The following SPAG16 variants were observed in gnomAD, a reference collection of about 807,000 sequenced individuals.
The protein encoded by SPAG16 is sperm associated antigen 16.
A neutral mutation model predicts 80.4 loss-of-function variants in SPAG16; 86 were observed. That is an observed-to-expected ratio of 1.07 (90% confidence interval 0.90 to 1.28). The LOEUF (loss-of-function observed/expected upper bound fraction) is 1.28, where lower values mean the gene tolerates loss of function less well. SPAG16 is among the 50% of genes most tolerant of loss of function. The pLI, the probability that SPAG16 is intolerant of heterozygous loss-of-function variation, is 0.00. For synonymous variants in SPAG16, 294 were observed against 265.9 expected (o/e 1.11, Z -1.03); for missense variants, 870 against 765.3 (o/e 1.14, Z -1.61).
chr2:214,060,597 T>G (rs1276881507), intron 13 of SPAG16, among the ~76,000 whole-genome samples: 1 of 152,180 alleles, frequency 6.6e-6, no homozygotes. Context: ...TATAACACTC[T>G]CTTAGAAAAC....
At chr2:214,338,242 G>A (rs561760118) in intron 15 of SPAG16, among the ~76,000 whole-genome samples, 1 of 152,112 alleles carries the variant, frequency 6.6e-6, no homozygotes, top group Admixed American at 6.5e-5. Flanking sequence ...TCAGCCAAGT[G>A]TGGTGGCTCA....
chr2:213,332,292 A>T (rs2064144908), intron 5 of SPAG16, among the ~76,000 whole-genome samples: 1 of 152,162 alleles, frequency 6.6e-6, no homozygotes, highest in African/African-American at 2.4e-5. Context: ...ATCTAGGGGA[A>T]ATGGATAAAT....
At position 213,465,441 on chromosome 2, in the gene SPAG16, T is replaced by G. The variant is rs2125630728; in HGVS notation, c.943-24522T>G. Among the ~76,000 whole-genome samples the G allele has an allele frequency of 1.3e-5, 2 of 152,126 alleles. 1 individual carries two copies. Among genetic ancestry groups the G allele is most frequent in the South Asian group, 4.2e-4 (2 of 4,814 alleles). The stretch of plus-strand genomic sequence containing the variant: ...AGTCCATTCTGCATCCTCTAAGGGG[T>G]TTTTTTGAGGTCCTCTCTGGCTGCA... On this transcript the variant is annotated intron_variant, in intron 9 of 15. Coordinates refer to ENST00000331683, the MANE Select transcript of SPAG16 (RefSeq NM_024532.5).
Position 213,536,194 on chromosome 2 carries a change from G to A in SPAG16, c.1070+46104G>A, listed in dbSNP as rs908747987. Among the ~76,000 whole-genome samples, 12 of 151,910 alleles carry A rather than the reference G, an allele frequency of 7.9e-5. 1 individual carries two copies. In the South Asian group the frequency reaches 2.3e-3, roughly 29 times the overall value. ...TTTCTTCTTGTTTTTACTCAAATTTGAATAAAGAAATTGCTATTTGGATCA... is the reference window on the plus strand; with the variant it reads ...TTTCTTCTTGTTTTTACTCAAATTTAAATAAAGAAATTGCTATTTGGATCA... On this transcript the variant is annotated intron_variant, in intron 10 of 15. Coordinates refer to ENST00000331683, the MANE Select transcript of SPAG16 (RefSeq NM_024532.5).
At chr2:214,271,037 A>G (rs1691955835) in intron 15 of SPAG16, among the ~76,000 whole-genome samples, 1 of 152,188 alleles carries the variant, frequency 6.6e-6, no homozygotes, top group South Asian at 2.1e-4. Context: ...AAAAACAAAT[A>G]TTTACTGAAA....
At chr2:213,503,549 T>C (rs1423790339) in intron 10 of SPAG16, among the ~76,000 whole-genome samples, 1 of 152,056 alleles carries the variant, frequency 6.6e-6, no homozygotes, top group Non-Finnish European at 1.5e-5. Flanking sequence ...AACCTTTTCT[T>C]TTTGGAGAGG....
At chr2:214,301,952 C>T (rs543443950) in intron 15 of SPAG16, among the ~76,000 whole-genome samples, 2 of 152,136 alleles carry the variant, frequency 1.3e-5, no homozygotes, top group African/African-American at 2.4e-5. Flanking sequence ...TTGCTCTCTC[C>T]TATAGGTTTT....
intron 9 of SPAG16, among the ~76,000 whole-genome samples, chr2:213,453,846 GA>G (rs1377117173): frequency 2.6e-5 from 4 of 152,222 alleles, no homozygotes; most frequent in Non-Finnish European, 5.9e-5. Context: ...CACATAGGTA[GA>G]TTTTTTTATG....
chr2:213,367,390 T>C (rs1452912918), intron 8 of SPAG16, among the ~76,000 whole-genome samples: 3 of 152,200 alleles, frequency 2.0e-5, no homozygotes, highest in African/African-American at 4.8e-5. Flanking sequence ...GCTGAACTAG[T>C]TTACAGTCCC....
At chr2:213,293,902 T>C (rs1221838026) in intron 1 of SPAG16, among the ~76,000 whole-genome samples, 1 of 152,144 alleles carries the variant, frequency 6.6e-6, no homozygotes, top group Non-Finnish European at 1.5e-5. Flanking sequence ...TTACCTCATA[T>C]AGTTACCTTT....
chr2:214,078,832 G>A (rs1030786333), intron 13 of SPAG16, among the ~76,000 whole-genome samples: 3 of 151,978 alleles, frequency 2.0e-5, no homozygotes, highest in South Asian at 2.1e-4. Flanking sequence ...GTAATTCTAC[G>A]CCCTTATCAA....
intron 5 of SPAG16, 121 bp downstream of exon 5, chr2:213,317,477 T>G: frequency 7.3e-7 from 1 of 1,364,568 alleles, no homozygotes; most frequent in Non-Finnish European, 9.5e-7. Context: ...TTTTTCTAGT[T>G]GTAAAGAATG....
chr2:213,712,936 T>C (rs2066065792), intron 10 of SPAG16, among the ~76,000 whole-genome samples: 1 of 152,114 alleles, frequency 6.6e-6, no homozygotes, highest in Non-Finnish European at 1.5e-5. Context: ...GGGTAATTTA[T>C]AAAGAAAAGA....
Position 213,958,161 on chromosome 2 carries a change from C to A in SPAG16, c.1400+28016C>A, listed in dbSNP as rs184682657. 2.2e-4 allele frequency among the ~76,000 whole-genome samples: 33 copies of A among 152,194 alleles called. No homozygotes were observed. The East Asian group carries it at 6.4e-3, about 29-fold the overall frequency. On this transcript the variant is annotated intron_variant, in intron 12 of 15. Transcript: ENST00000331683. ...TGTGAGCCAAAGCCCTTATTGGGGT[C>A]CAGAGTGTGACCCAGTTTGGTTTCC...
At chr2:214,271,946 A>G (rs560190196) in intron 15 of SPAG16, among the ~76,000 whole-genome samples, 17 of 151,106 alleles carry the variant, frequency 1.1e-4, no homozygotes, top group Non-Finnish European at 2.5e-4. Flanking sequence ...AGCTTTGAAG[A>G]GTTTTAACTA....
chr2:213,311,353 A>G (rs1440936688), intron 4 of SPAG16, among the ~76,000 whole-genome samples: 1 of 151,766 alleles, frequency 6.6e-6, no homozygotes, highest in Admixed American at 6.6e-5. Flanking sequence ...GATTCACTTA[A>G]CTTTCTGTGT....
chr2:214,012,288 A>ATATATATATTTTTTT (rs1553694500), intron 12 of SPAG16, among the ~76,000 whole-genome samples: 2 of 46,820 alleles, frequency 4.3e-5, no homozygotes, highest in African/African-American at 1.2e-4. Flanking sequence ...ATATATATAT[A>ATATATATATTTTTTT]TTTTTTTTTT....
chr2:213,323,621 A>G (rs551610787), intron 5 of SPAG16, among the ~76,000 whole-genome samples: 2 of 152,294 alleles, frequency 1.3e-5, no homozygotes, highest in African/African-American at 4.8e-5. Context: ...ACTCCTGGGT[A>G]TTTATTTGAA....
chr2:213,956,203 G>A (rs941453383), intron 12 of SPAG16, among the ~76,000 whole-genome samples: 21 of 151,712 alleles, frequency 1.4e-4, no homozygotes, highest in African/African-American at 4.4e-4. Context: ...TGATCTGCCC[G>A]CCTCGGCCTC....
Sources: gnomAD v4.1 joint callset for allele counts (sites outside exome capture counted in the v4.1 genomes callset) on GRCh38, gnomAD v4.1.1 for gene constraint, MANE v1.5 for transcripts, NCBI Gene and HGNC (gene_info 2026-07-23, HGNC 2026-07-21) for gene names.